XKR6: variants seen among roughly 807,000 people sequenced by gnomAD.
XKR6 encodes the protein XK-related protein 6.
A neutral mutation model predicts 56.7 loss-of-function variants in XKR6; 22 were observed. The ratio of observed to expected loss-of-function variants is 0.39; its 90% CI spans 0.28 to 0.55. The LOEUF (loss-of-function observed/expected upper bound fraction) is 0.55, where lower values mean the gene tolerates loss of function less well. XKR6 is among the 20% of genes least tolerant of loss of function. The pLI is 0.66. For missense variants in XKR6, 852 were observed against 889.0 expected (o/e 0.96, Z 0.53); for synonymous variants, 524 against 387.8 (o/e 1.35, Z -4.13).
intron 1 of XKR6, among the ~76,000 whole-genome samples, chr8:10,995,988 C>T (rs1248617364): frequency 6.6e-6 from 1 of 152,180 alleles, no homozygotes. Context: ...TCCTTGTTTA[C>T]ATGATATAAA....
rs915717717 is a variant in XKR6, at chr8:11,120,542, C to G, written c.764+80034G>C. 1.7e-4 allele frequency among the ~76,000 whole-genome samples: 26 copies of G among 152,140 alleles called. 1 individual carries two copies. Among genetic ancestry groups the G allele is most frequent in the African/African-American group, 6.0e-4 (25 of 41,498 alleles). ...CTGCTCAACGAAATAAAAGAGGATACAAACAAATGGAAGAACATTCCATGC... is the reference window on the plus strand; with the variant it reads ...CTGCTCAACGAAATAAAAGAGGATAGAAACAAATGGAAGAACATTCCATGC... On this transcript the variant is annotated intron_variant, in intron 1 of 2. Coordinates refer to ENST00000416569, the MANE Select transcript of XKR6 (RefSeq NM_173683.4).
rs78989855 is a variant in XKR6 at position 11,046,967 on chromosome 8, G to A, written c.765-122137C>T. Among the ~76,000 whole-genome samples the A allele has an allele frequency of 8.1e-3, 1,230 of 152,306 alleles. 13 individuals carry two copies. Among genetic ancestry groups the A allele is most frequent in the Non-Finnish European group, 0.014 (938 of 68,020 alleles). On this transcript the variant is annotated intron_variant, in intron 1 of 2. Transcript: ENST00000416569. ...AACTCAAACTCATAGAAGCAGAGAGGAGGACGGTGAGTGCCAGGGGCTGGG... is the reference window on the plus strand; with the variant it reads ...AACTCAAACTCATAGAAGCAGAGAGAAGGACGGTGAGTGCCAGGGGCTGGG...
chr8:11,001,935 G>T (rs1266097341), intron 1 of XKR6, among the ~76,000 whole-genome samples: 1 of 152,120 alleles, frequency 6.6e-6, no homozygotes, highest in Admixed American at 6.5e-5. Context: ...CATACCCGTT[G>T]CTCCCCACAG....
intron 2 of XKR6, among the ~76,000 whole-genome samples, chr8:10,906,811 A>G (rs1800200455): frequency 6.6e-6 from 1 of 152,198 alleles, no homozygotes; most frequent in African/African-American, 2.4e-5. Context: ...AGGCAGGTGG[A>G]TCACAAGGTC....
At chr8:11,180,553 G>C (rs1585026021) in intron 1 of XKR6, among the ~76,000 whole-genome samples, 2 of 152,322 alleles carry the variant, frequency 1.3e-5, no homozygotes, top group South Asian at 2.1e-4. Flanking sequence ...GAAACAGCAT[G>C]TGCAACAGCA....
chr8:10,964,745 T>C (rs1481985312), intron 1 of XKR6, among the ~76,000 whole-genome samples: 8 of 152,174 alleles, frequency 5.3e-5, no homozygotes, highest in Admixed American at 4.6e-4. Context: ...CCTCATCCCT[T>C]GATTTCCCCA....
At chr8:11,071,233 G>T in intron 1 of XKR6, among the ~76,000 whole-genome samples, 1 of 152,016 alleles carries the variant, frequency 6.6e-6, no homozygotes. Context: ...GGCCCTGGAG[G>T]TACTGAAGAA....
chr8:10,942,722 G>A (rs990505854), intron 1 of XKR6, among the ~76,000 whole-genome samples: 2 of 152,164 alleles, frequency 1.3e-5, no homozygotes, highest in African/African-American at 4.8e-5. Context: ...AAGCACTCGC[G>A]AGCTCACTGA....
chr8:11,099,274 C>T (rs1426901234), intron 1 of XKR6, among the ~76,000 whole-genome samples: 1 of 152,250 alleles, frequency 6.6e-6, no homozygotes, highest in East Asian at 1.9e-4. Flanking sequence ...GTCCAGCTGA[C>T]TTTTGTCACC....
chr8:10,906,868 AT>A (rs1800201763), intron 2 of XKR6, among the ~76,000 whole-genome samples: 1 of 152,216 alleles, frequency 6.6e-6, no homozygotes, highest in African/African-American at 2.4e-5. Context: ...GAAACCATGT[AT>A]TTAGTCTCCA....
chr8:11,085,534 C>A lies in XKR6; in HGVS notation c.764+115042G>T, dbSNP rs190802660. On this transcript the variant is annotated intron_variant, in intron 1 of 2. Coordinates refer to ENST00000416569, the MANE Select transcript of XKR6 (RefSeq NM_173683.4). ...CTGCATTAATCCTCATACCAATCTCCTAAGTGATCTTGGCCAGAGGCAGGA... is the reference window on the plus strand; with the variant it reads ...CTGCATTAATCCTCATACCAATCTCATAAGTGATCTTGGCCAGAGGCAGGA... Among the ~76,000 whole-genome samples the A allele has an allele frequency of 2.3e-3, 355 of 152,244 alleles. 1 individual carries two copies. The highest frequency in any genetic ancestry group is 7.3e-3 in the African/African-American group (305 of 41,544).
intron 1 of XKR6, chr8:11,108,018 C>T (rs779977429): frequency 3.4e-5 from 11 of 319,842 alleles, no homozygotes; most frequent in South Asian, 1.5e-4. Context: ...CATTTTTCCA[C>T]GATGCGCCTC....
intron 1 of XKR6, among the ~76,000 whole-genome samples, chr8:10,988,124 C>A (rs748819969): frequency 6.6e-6 from 1 of 152,234 alleles, no homozygotes; most frequent in Non-Finnish European, 1.5e-5. Context: ...CACCTGCCAA[C>A]TTCATATCCC....
At chr8:11,018,837 C>T (rs962023875) in intron 1 of XKR6, among the ~76,000 whole-genome samples, 3 of 152,186 alleles carry the variant, frequency 2.0e-5, no homozygotes, top group African/African-American at 4.8e-5. Context: ...TACCTAGCGA[C>T]CTGCCTTGCT....
chr8:11,116,352 C>T (rs1241769957), intron 1 of XKR6, among the ~76,000 whole-genome samples: 3 of 152,184 alleles, frequency 2.0e-5, no homozygotes, highest in African/African-American at 7.2e-5. Context: ...CGGCTACCCA[C>T]AGCTCAACTC....
intron 1 of XKR6, among the ~76,000 whole-genome samples, chr8:11,165,928 T>C (rs1381164691): frequency 6.7e-6 from 1 of 148,248 alleles, no homozygotes; most frequent in Non-Finnish European, 1.5e-5. Flanking sequence ...GATGGATACA[T>C]TCATGTATAT....
At chr8:10,990,895 CTTTTTTTTTT>C (rs59410799) in intron 1 of XKR6, among the ~76,000 whole-genome samples, 2 of 73,592 alleles carry the variant, frequency 2.7e-5, no homozygotes, top group Non-Finnish European at 5.0e-5. Context: ...TGGGGAATGT[CTTTTTTTTTT>C]TTTTTTTTTT....
intron 1 of XKR6, among the ~76,000 whole-genome samples, chr8:10,975,260 C>A (rs1210798347): frequency 6.6e-6 from 1 of 152,208 alleles, no homozygotes; most frequent in Non-Finnish European, 1.5e-5. Context: ...GTGGCACCAT[C>A]CCAGGCTGCT....
intron 1 of XKR6, among the ~76,000 whole-genome samples, chr8:11,119,059 A>G (rs7016598): frequency 0.49 from 74,310 of 150,326 alleles, 19,421 homozygotes; most frequent in African/African-American, 0.59. Context: ...CCTTCATTTC[A>G]TGATGTACCC....
Sources: allele counts gnomAD v4.1 joint callset (sites outside exome capture counted in the v4.1 genomes callset), GRCh38; gene constraint gnomAD v4.1.1; transcripts MANE v1.5; gene names NCBI Gene and HGNC (gene_info 2026-07-23, HGNC 2026-07-21).